The following CA8 variants were observed in gnomAD, a reference collection of about 807,000 sequenced individuals.
The protein encoded by CA8 is carbonic anhydrase 8 (inactive).
A neutral mutation model predicts 41.4 loss-of-function variants in CA8; 22 were observed. That is an observed-to-expected ratio of 0.53 (90% CI 0.38 to 0.76). CA8 has a LOEUF of 0.76. Among genes scored for constraint, CA8 ranks in the 30% least tolerant of loss-of-function variants. The pLI is 0.00. For synonymous variants in CA8, 121 were observed against 130.6 expected (o/e 0.93, Z 0.50); for missense variants, 270 against 352.8 (o/e 0.77, Z 1.88).
At position 60,222,673 on chromosome 8, in the gene CA8, G is replaced by C; in HGVS notation, c.714C>G (p.Tyr238Ter). Residue 238 changes from tyrosine (Y) to a stop codon, truncating the protein, a stop_gained, in exon 7 of 9, where the codon TAC becomes TAG. Coordinates refer to ENST00000317995, the MANE Select transcript of CA8 (RefSeq NM_004056.6). LOFTEE classifies it high-confidence loss of function. ...CCTGTAGCTGGGATATAGTTAAAGG[G>C]TATCGGAATAATATCCAGGTGACAC... ...SEGVTWILFRYPLTISQLQIE... is the reference protein window; with the variant it reads ...SEGVTWILFR The C allele has an allele frequency of 6.2e-7, 1 of 1,607,882 alleles. No homozygotes were observed. Among genetic ancestry groups the C allele is most frequent in the Non-Finnish European group, 8.5e-7 (1 of 1,174,260 alleles).
At chr8:60,245,347 AAGAC>A (rs2130533968) in intron 3 of CA8, among the ~76,000 whole-genome samples, 1 of 152,332 alleles carries the variant, frequency 6.6e-6, no homozygotes, top group African/African-American at 2.4e-5. Context: ...CCTAATCTGA[AAGAC>A]AAATAGCCCT....
intron 7 of CA8, among the ~76,000 whole-genome samples, chr8:60,210,862 T>G (rs567666598): frequency 6.6e-6 from 1 of 152,190 alleles, no homozygotes; most frequent in African/African-American, 2.4e-5. Context: ...AAAATACGAG[T>G]AGCATCTATT....
Position 60,281,164 on chromosome 8 carries a change from C to A in CA8, c.-17G>T, listed in dbSNP as rs1804412250. 1 of 1,535,264 alleles carries A rather than the reference C, an allele frequency of 6.5e-7. No individual in the cohort carries two copies. The highest frequency in any genetic ancestry group is 1.4e-5 in the African/African-American group (1 of 72,780). ...GTCCGCCATGGGAAGGCCGCGGGGC[C>A]CCTCGGCGCTCTCGGCAGCAGTGCC... On this transcript the variant is annotated 5_prime_UTR_variant, in exon 1 of 9. Coordinates refer to ENST00000317995, the MANE Select transcript of CA8 (RefSeq NM_004056.6).
intron 8 of CA8, among the ~76,000 whole-genome samples, chr8:60,207,489 CTT>C (rs1177822467): frequency 3.3e-5 from 5 of 152,216 alleles, no homozygotes; most frequent in Non-Finnish European, 7.3e-5. Flanking sequence ...CAACTCAACT[CTT>C]TATCTTCAAC....
chr8:60,206,283 T>C (rs1806575290), intron 8 of CA8, among the ~76,000 whole-genome samples: 1 of 152,152 alleles, frequency 6.6e-6, no homozygotes, highest in Non-Finnish European at 1.5e-5. Flanking sequence ...TATTCATCTA[T>C]CATATAAAGA....
chr8:60,219,620 C>A (rs1807164655), intron 7 of CA8, among the ~76,000 whole-genome samples: 1 of 152,144 alleles, frequency 6.6e-6, no homozygotes, highest in African/African-American at 2.4e-5. Flanking sequence ...TCTAACACTG[C>A]TGGGGGCTTC....
At chr8:60,273,628 G>A (rs1474547352) in intron 2 of CA8, among the ~76,000 whole-genome samples, 2 of 152,388 alleles carry the variant, frequency 1.3e-5, no homozygotes, top group African/African-American at 4.8e-5. Context: ...GGAAGATGAA[G>A]CACCAGCAGA....
chr8:60,269,135 C>T (rs966066031), intron 2 of CA8, among the ~76,000 whole-genome samples: 2 of 152,094 alleles, frequency 1.3e-5, no homozygotes, highest in African/African-American at 4.8e-5. Flanking sequence ...TGTTCATCCC[C>T]CAAGAATGAT....
chr8:60,208,870 A>C lies in CA8; in HGVS notation c.788T>G (p.Val263Gly). 1 of 1,614,204 alleles carries C rather than the reference A, an allele frequency of 6.2e-7. No individual in the cohort carries two copies. Among genetic ancestry groups the C allele is most frequent in the Non-Finnish European group, 8.5e-7 (1 of 1,180,028 alleles). Reference protein sequence around the residue: ...LRTHVKGAELVEGCDGILGDN... With the variant: ...LRTHVKGAELGEGCDGILGDN... ...TCCCAAAATCCCATCACAGCCTTCC[A>C]CAAGTTCTGCCCCCTTAACATGTGT... Residue 263 changes from valine to glycine, a missense_variant, in exon 8 of 9, where the codon GTG (valine) becomes GGG (glycine). Physicochemically the swap from Val to Gly is moderately radical, Grantham distance 109. Transcript: ENST00000317995.
intron 8 of CA8, among the ~76,000 whole-genome samples, chr8:60,195,655 T>C (rs908844123): frequency 6.6e-5 from 10 of 152,076 alleles, no homozygotes; most frequent in Non-Finnish European, 1.5e-4. Flanking sequence ...TGACCTGGAG[T>C]TAGCTGTGTG....
intron 3 of CA8, among the ~76,000 whole-genome samples, chr8:60,253,784 C>T (rs929856262): frequency 3.9e-5 from 6 of 152,136 alleles, no homozygotes; most frequent in South Asian, 2.1e-4. Flanking sequence ...GTTTACCCAG[C>T]GAACTCCTAC....
intron 8 of CA8, among the ~76,000 whole-genome samples, chr8:60,202,189 G>A (rs970358573): frequency 9.9e-5 from 15 of 151,122 alleles, no homozygotes; most frequent in Non-Finnish European, 2.2e-4. Flanking sequence ...GACTACAGGC[G>A]CCTGCCACCA....
intron 3 of CA8, among the ~76,000 whole-genome samples, chr8:60,258,579 T>G (rs1456325647): frequency 6.6e-6 from 1 of 152,186 alleles, no homozygotes; most frequent in East Asian, 1.9e-4. Flanking sequence ...ACATTTATTG[T>G]GCACTTTATT....
intron 8 of CA8, among the ~76,000 whole-genome samples, chr8:60,196,024 T>G (rs1806270670): frequency 6.6e-6 from 1 of 152,158 alleles, no homozygotes; most frequent in Admixed American, 6.5e-5. Flanking sequence ...AACATTATTC[T>G]GGAGTACTAG....
At chr8:60,271,406 T>C (rs1051544307) in intron 2 of CA8, among the ~76,000 whole-genome samples, 1 of 152,096 alleles carries the variant, frequency 6.6e-6, no homozygotes, top group African/African-American at 2.4e-5. Flanking sequence ...ACATTTCATA[T>C]AAATAAAAAA....
Position 60,259,739 on chromosome 8 carries a change from G to GT in CA8, c.417+6185_417+6186insA, listed in dbSNP as rs1563375860. 2.6e-4 allele frequency among the ~76,000 whole-genome samples: 39 copies of GT among 147,442 alleles called. 1 individual carries two copies. Among genetic ancestry groups the GT allele is most frequent in the African/African-American group, 6.2e-4 (25 of 40,010 alleles). On this transcript the variant is annotated intron_variant, in intron 3 of 8. Coordinates refer to ENST00000317995, the MANE Select transcript of CA8 (RefSeq NM_004056.6). ...AATTCAGGAAACATAAAATTTGTTT[G>GT]CTTTTTTTTTTTTTTGCCAAGATGT...
chr8:60,225,751 A>G (rs1807416967), intron 5 of CA8, among the ~76,000 whole-genome samples: 2 of 152,200 alleles, frequency 1.3e-5, no homozygotes, highest in Admixed American at 1.3e-4. Context: ...CAGCAGCCCT[A>G]CAAGACTAGA....
At chr8:60,270,105 T>C (rs1364104355) in intron 2 of CA8, among the ~76,000 whole-genome samples, 2 of 152,266 alleles carry the variant, frequency 1.3e-5, no homozygotes, top group Non-Finnish European at 2.9e-5. Context: ...ATGCAGCCTA[T>C]GCTTACGAGC....
At chr8:60,227,737 A>T (rs1175565829) in intron 4 of CA8, among the ~76,000 whole-genome samples, 1 of 152,186 alleles carries the variant, frequency 6.6e-6, no homozygotes, top group Admixed American at 6.5e-5. Flanking sequence ...TTACTTCTAG[A>T]CATAATTTTA....
Sources: gnomAD v4.1 joint callset for allele counts (sites outside exome capture counted in the v4.1 genomes callset) on GRCh38, gnomAD v4.1.1 for gene constraint, MANE v1.5 for transcripts, NCBI Gene and HGNC (gene_info 2026-07-23, HGNC 2026-07-21) for gene names.